Variants in DIS3L2 observed in about 807,000 individuals in gnomAD.
DIS3L2 encodes the protein DIS3-like exonuclease 2.
A neutral mutation model predicts 97.5 loss-of-function variants in DIS3L2; 34 were observed. The ratio of observed to expected loss-of-function variants is 0.35; its 90% CI spans 0.27 to 0.46. DIS3L2 has a LOEUF of 0.46. Among genes scored for constraint, DIS3L2 ranks in the 20% least tolerant of loss-of-function variants. The probability of loss-of-function intolerance (pLI) is 1.00; values close to 1 mark genes in which losing one functional copy is unlikely to be tolerated. For synonymous variants in DIS3L2, 435 were observed against 445.2 expected (o/e 0.98, Z 0.29); for missense variants, 1,038 against 1,146.0 (o/e 0.91, Z 1.36).
chr2:232,103,604 A>G (rs1442290218), intron 6 of DIS3L2, among the ~76,000 whole-genome samples: 2 of 152,156 alleles, frequency 1.3e-5, no homozygotes, highest in African/African-American at 4.8e-5. Flanking sequence ...TTGCTAATTT[A>G]TTCATGATTT....
At chr2:232,285,048 C>G (rs1263540331) in intron 13 of DIS3L2, among the ~76,000 whole-genome samples, 2 of 152,164 alleles carry the variant, frequency 1.3e-5, no homozygotes, top group African/African-American at 2.4e-5. Flanking sequence ...ATAAGGGTCC[C>G]CAACCCATTT....
At chr2:232,089,693 G>A (rs557849075) in intron 6 of DIS3L2, among the ~76,000 whole-genome samples, 23 of 152,192 alleles carry the variant, frequency 1.5e-4, no homozygotes, top group Admixed American at 3.3e-4. Context: ...CTGGTGATAG[G>A]CTTGGCAGAT....
At chr2:232,234,046 G>T (rs1019472181) in intron 10 of DIS3L2, among the ~76,000 whole-genome samples, 3 of 152,160 alleles carry the variant, frequency 2.0e-5, no homozygotes, top group Non-Finnish European at 4.4e-5. Flanking sequence ...GAGGGATTTT[G>T]AGCTGTGGCC....
At chr2:232,328,476 G>A (rs1695637992) in intron 14 of DIS3L2, 1 of 152,210 alleles carries the variant, frequency 6.6e-6, no homozygotes, top group Non-Finnish European at 1.5e-5. Flanking sequence ...GGTGGAGGAG[G>A]GGCTCTATAT....
In DIS3L2 at chr2:232,336,859, C is replaced by T. The variant is rs1295785702; in HGVS notation, c.*229C>T. The T allele has an allele frequency of 4.4e-6, 6 of 1,366,360 alleles. No homozygotes were observed. The highest frequency in any genetic ancestry group is 3.2e-5 in the South Asian group (2 of 62,460). The allele number at this position is 1,366,360 out of a possible 1,614,324, so 84.6% of individuals were successfully genotyped here. A position where few individuals can be genotyped will look rare whatever the true frequency, so the allele number is the denominator to read the frequency against. On this transcript the variant is annotated 3_prime_UTR_variant, in exon 21 of 21. Coordinates refer to ENST00000325385, the MANE Select transcript of DIS3L2 (RefSeq NM_152383.5). ...AGCAGTGACCCCAGCAGAGCAGGCC[C>T]CAGTCCTCCTGGGAGGCTGGCCCCC...
intron 12 of DIS3L2, among the ~76,000 whole-genome samples, chr2:232,256,655 T>C (rs1248150532): frequency 6.6e-6 from 1 of 152,152 alleles, no homozygotes; most frequent in African/African-American, 2.4e-5. Flanking sequence ...TCATTCCTCC[T>C]TCTTGGAAAC....
chr2:232,144,719 G>A (rs991654899), intron 8 of DIS3L2, among the ~76,000 whole-genome samples: 5 of 152,074 alleles, frequency 3.3e-5, no homozygotes, highest in African/African-American at 7.2e-5. Context: ...CCAGAATCCC[G>A]TAATACAGTT....
chr2:232,268,134 A>G lies in DIS3L2; in HGVS notation c.1659+4694A>G, dbSNP rs1341538627. Among the ~76,000 whole-genome samples the G allele has an allele frequency of 6.6e-6, 1 of 152,226 alleles. No individual in the cohort carries two copies. Among genetic ancestry groups the G allele is most frequent in the Non-Finnish European group, 1.5e-5 (1 of 68,048 alleles). ...TGACAGGTGGTTAGGTGATGTGAGC[A>G]GTTCCTTCTGGGTCACTGACTTTGG... On this transcript the variant is annotated intron_variant, in intron 13 of 20. Coordinates refer to ENST00000325385, the MANE Select transcript of DIS3L2 (RefSeq NM_152383.5). The surrounding 1 kb of genome is among the most constrained non-coding windows in gnomAD (Gnocchi z 4.1).
intron 14 of DIS3L2, among the ~76,000 whole-genome samples, chr2:232,311,596 C>T (rs894101038): frequency 2.4e-4 from 36 of 152,146 alleles, no homozygotes; most frequent in African/African-American, 8.2e-4. Flanking sequence ...TAGAACATTA[C>T]AGCTTCCAGG....
At chr2:232,342,116 G>C (rs1412847725), downstream of DIS3L2, among the ~76,000 whole-genome samples, 6 of 148,140 alleles carry the variant, frequency 4.1e-5, no homozygotes, top group African/African-American at 1.6e-4. Context: ...GTGTGTGTGT[G>C]TGTAGCATAT....
intron 12 of DIS3L2, among the ~76,000 whole-genome samples, chr2:232,250,920 C>T (rs949109671): frequency 1.3e-5 from 2 of 151,992 alleles, no homozygotes; most frequent in African/African-American, 2.4e-5. Context: ...TCCCAATCAG[C>T]AGCCCAGCTG....
chr2:232,254,046 G>T (rs1042921655), intron 12 of DIS3L2, among the ~76,000 whole-genome samples: 2 of 152,098 alleles, frequency 1.3e-5, no homozygotes, highest in African/African-American at 4.8e-5. Flanking sequence ...ACATATTTTA[G>T]TATGAAGCTG....
At chr2:232,190,410 C>T (rs576261858) in intron 9 of DIS3L2, among the ~76,000 whole-genome samples, 30 of 152,256 alleles carry the variant, frequency 2.0e-4, no homozygotes, top group Admixed American at 9.2e-4. Context: ...GATATGCCTA[C>T]GTGGTCCTTG....
intron 1 of DIS3L2, among the ~76,000 whole-genome samples, chr2:232,000,725 CTTTTTTTTTTT>C (rs35247478): frequency 1.1e-5 from 1 of 91,142 alleles, no homozygotes; most frequent in Non-Finnish European, 2.3e-5. Context: ...TCTTCTTCTT[CTTTTTTTTTTT>C]TTTTTTTTTA....
chr2:232,127,973 CAG>C lies in DIS3L2; in HGVS notation c.602-2645_602-2644del, dbSNP rs113057582. 3.6e-4 allele frequency among the ~76,000 whole-genome samples: 54 copies of C among 152,030 alleles called. 2 individuals carry two copies. The highest frequency in any genetic ancestry group is 5.8e-4 in the African/African-American group (24 of 41,456). On this transcript the variant is annotated intron_variant, in intron 6 of 20. Coordinates refer to ENST00000325385, the MANE Select transcript of DIS3L2 (RefSeq NM_152383.5). Reference sequence around the variant, plus strand: ...ATTACAGTTTTTATTTTTTTTGAGACAGGGGCTCACTGCGTCGCCAAGGCTGG... The same window carrying C: ...ATTACAGTTTTTATTTTTTTTGAGACGGGCTCACTGCGTCGCCAAGGCTGG...
In DIS3L2 at chr2:232,292,298, A is replaced by C. The variant is rs1003871751; in HGVS notation, c.1660-7742A>C. On this transcript the variant is annotated intron_variant, in intron 13 of 20. Transcript: ENST00000325385. This position sits in a 1 kb window ranked among gnomAD's most constrained non-coding sequence, Gnocchi z 4.4. The stretch of plus-strand genomic sequence containing the variant: ...AAGTTCTCCCTAAAGTGCCATCCCC[A>C]AGCAGCAATAATCTGAGCAGCCTGA... Among the ~76,000 whole-genome samples the C allele has an allele frequency of 6.6e-6, 1 of 152,254 alleles. No homozygotes were observed. The highest frequency in any genetic ancestry group is 6.5e-5 in the Admixed American group (1 of 15,298).
rs565735567 is a variant in DIS3L2 at position 232,311,536 on chromosome 2, G to A, written c.1739+11417G>A. On this transcript the variant is annotated intron_variant, in intron 14 of 20. Coordinates refer to ENST00000325385, the MANE Select transcript of DIS3L2 (RefSeq NM_152383.5). ...GGGCCCAGGGGTATGACACCAGCCC[G>A]GGCAGTGTAACGACAATTAACAAAT... 1.7e-3 allele frequency among the ~76,000 whole-genome samples: 263 copies of A among 152,076 alleles called. 2 individuals carry two copies. The highest frequency in any genetic ancestry group is 6.1e-3 in the African/African-American group (252 of 41,486).
chr2:232,001,715 CTTTTTTTTTTTTT>C (rs36048859), intron 1 of DIS3L2, among the ~76,000 whole-genome samples: 1 of 60,044 alleles, frequency 1.7e-5, no homozygotes, highest in Non-Finnish European at 3.4e-5. Flanking sequence ...ATCTTTAATT[CTTTTTTTTTTTTT>C]TTTTTTTTTG....
chr2:232,220,959 C>T (rs112021857), intron 10 of DIS3L2, among the ~76,000 whole-genome samples: 14,139 of 150,784 alleles, frequency 0.094, 1,164 homozygotes, highest in African/African-American at 0.22. Context: ...CAAAATTAGC[C>T]GGTGTGCTGG....
Sources: allele counts gnomAD v4.1 joint callset (sites outside exome capture counted in the v4.1 genomes callset), GRCh38; gene constraint gnomAD v4.1.1; non-coding constraint Gnocchi (gnomAD v3.1); transcripts MANE v1.5; gene names NCBI Gene and HGNC (gene_info 2026-07-23, HGNC 2026-07-21).